FBXO34: variants seen among roughly 807,000 people sequenced by gnomAD.
The protein encoded by FBXO34 is F-box protein 34.
FBXO34 carries 12 observed loss-of-function variants against 24.5 expected under a neutral mutation model. The observed-to-expected ratio is 0.49, with a 90% CI of 0.31 to 0.79. The LOEUF (loss-of-function observed/expected upper bound fraction) is 0.79, where lower values mean the gene tolerates loss of function less well. Ranked by LOEUF, FBXO34 falls within the 30% of genes least tolerant of loss-of-function variation. The pLI, the probability that FBXO34 is intolerant of heterozygous loss-of-function variation, is 0.04. For synonymous variants in FBXO34, 320 were observed against 311.9 expected (o/e 1.03, Z -0.27); for missense variants, 823 against 857.7 (o/e 0.96, Z 0.51).
intron 1 of FBXO34, among the ~76,000 whole-genome samples, chr14:55,349,461 C>T (rs879486335): frequency 1.3e-5 from 2 of 151,492 alleles, no homozygotes; most frequent in African/African-American, 2.4e-5. Context: ...ACAGGAAATT[C>T]GACAGTTAAA....
intron 1 of FBXO34, among the ~76,000 whole-genome samples, chr14:55,335,057 G>T (rs1438704630): frequency 6.6e-6 from 1 of 152,196 alleles, no homozygotes; most frequent in East Asian, 1.9e-4. Flanking sequence ...ACCCATTGCA[G>T]TGGATTGAGT....
chr14:55,279,440 A>G (rs1389678299), intron 1 of FBXO34, among the ~76,000 whole-genome samples: 1 of 152,218 alleles, frequency 6.6e-6, no homozygotes, highest in East Asian at 1.9e-4. Context: ...ATGAACAGAT[A>G]TTGCTAATAT....
chr14:55,336,106 G>T (rs1883766874), intron 1 of FBXO34, among the ~76,000 whole-genome samples: 1 of 152,108 alleles, frequency 6.6e-6, no homozygotes, highest in Non-Finnish European at 1.5e-5. Context: ...TAATTAAACT[G>T]CTCATTTAGA....
At chr14:55,369,141 A>G (rs1884751959), downstream of FBXO34, 1 of 152,792 alleles carries the variant, frequency 6.5e-6, no homozygotes, top group Non-Finnish European at 1.5e-5. Context: ...TACAAAAAAC[A>G]ATGGCAGAAA....
At chr14:55,395,305 C>T in the FBXO34 span, 2 of 273,872 alleles carry the variant, frequency 7.3e-6, no homozygotes, top group Non-Finnish European at 7.4e-6. Flanking sequence ...CAAAGCCGGG[C>T]TGCCTGGCTG....
chr14:55,359,306 AG>A (rs1035535891), intron 3 of FBXO34, among the ~76,000 whole-genome samples: 3 of 152,184 alleles, frequency 2.0e-5, no homozygotes, highest in Admixed American at 1.3e-4. Flanking sequence ...GATGATCCCT[AG>A]GAGGCCCTAA....
chr14:55,296,695 C>A (rs28454005), intron 1 of FBXO34, among the ~76,000 whole-genome samples: 2,332 of 151,960 alleles, frequency 0.015, 77 homozygotes, highest in African/African-American at 0.054. Flanking sequence ...TGCGCCTGGC[C>A]GCTGTTCTTG....
At chr14:55,422,273 G>A in the FBXO34 span, among the ~76,000 whole-genome samples, 2 of 152,172 alleles carry the variant, frequency 1.3e-5, no homozygotes, top group Admixed American at 1.3e-4. Flanking sequence ...TGGTAGAGGA[G>A]AGTGAAATGT....
chr14:55,440,581 C>T, the FBXO34 span: 1 of 1,557,628 alleles, frequency 6.4e-7, no homozygotes, highest in Non-Finnish European at 8.7e-7. Flanking sequence ...GGGCGGCCCT[C>T]GGCCCAGGTT....
chr14:55,428,403 C>A, the FBXO34 span, among the ~76,000 whole-genome samples: 1 of 152,120 alleles, frequency 6.6e-6, no homozygotes, highest in African/African-American at 2.4e-5. Flanking sequence ...CATGCCTTAT[C>A]TTGCCAGTGT....
chr14:55,410,423 A>G, the FBXO34 span, among the ~76,000 whole-genome samples: 1 of 152,226 alleles, frequency 6.6e-6, no homozygotes, highest in African/African-American at 2.4e-5. Context: ...CCGTATTCTT[A>G]TAACTGGTTT....
chr14:55,327,912 T>G (rs1390888543), intron 1 of FBXO34, among the ~76,000 whole-genome samples: 1 of 25,310 alleles, frequency 4.0e-5, no homozygotes, highest in African/African-American at 3.1e-4. Flanking sequence ...TTGTTGGTTT[T>G]TTTTTTTTTT....
At chr14:55,296,382 GTTTTTTTTGTTTTTT>G (rs1317776529) in intron 1 of FBXO34, among the ~76,000 whole-genome samples, 27 of 95,786 alleles carry the variant, frequency 2.8e-4, no homozygotes, top group African/African-American at 7.2e-4. Context: ...CTGTTCTTGT[GTTTTTTTTGTTTTTT>G]TTTTTTTTTT....
chr14:55,391,033 T>G, the FBXO34 span: 8 of 1,373,616 alleles, frequency 5.8e-6, no homozygotes, highest in East Asian at 2.3e-5. Context: ...CGTTGGTCTC[T>G]TATGGTTAAT....
the FBXO34 span, among the ~76,000 whole-genome samples, chr14:55,440,952 T>C: frequency 6.6e-6 from 1 of 152,222 alleles, no homozygotes; most frequent in Non-Finnish European, 1.5e-5. Flanking sequence ...GTTCAAGCTA[T>C]TCTCCTGCCT....
At chr14:55,406,682 G>C in the FBXO34 span, among the ~76,000 whole-genome samples, 1 of 152,128 alleles carries the variant, frequency 6.6e-6, no homozygotes. Flanking sequence ...CACCTTATTA[G>C]ATACTGGGCA....
At chr14:55,340,401 CTTTT>C (rs10717969) in intron 1 of FBXO34, among the ~76,000 whole-genome samples, 1 of 141,392 alleles carries the variant, frequency 7.1e-6, no homozygotes, top group Non-Finnish European at 1.5e-5. Flanking sequence ...TCATGCTTGG[CTTTT>C]TTTTTTTTTT....
chr14:55,279,035 G>A (rs1000934916), intron 1 of FBXO34, among the ~76,000 whole-genome samples: 2 of 152,066 alleles, frequency 1.3e-5, no homozygotes, highest in Admixed American at 6.5e-5. Context: ...GGTGGCTCAC[G>A]CCTGTAATCC....
intron 1 of FBXO34, chr14:55,285,555 C>G (rs1337734545): frequency 6.6e-6 from 1 of 151,004 alleles, no homozygotes; most frequent in Non-Finnish European, 1.5e-5. Context: ...GAGACTCTGT[C>G]TCTTTAAAAA....
Sources: gnomAD v4.1 joint callset for allele counts (sites outside exome capture counted in the v4.1 genomes callset) on GRCh38, gnomAD v4.1.1 for gene constraint, MANE v1.5 for transcripts, NCBI Gene and HGNC (gene_info 2026-07-23, HGNC 2026-07-21) for gene names.